The following CRY1 variants were observed in gnomAD, a reference collection of about 807,000 sequenced individuals.
The protein encoded by CRY1 is cryptochrome circadian regulator 1.
Under a neutral mutation model 76.0 loss-of-function variants are expected in CRY1, and 45 were observed. That is an observed-to-expected ratio of 0.59 (90% CI 0.47 to 0.76). The LOEUF (loss-of-function observed/expected upper bound fraction) is 0.76, where lower values mean the gene tolerates loss of function less well. Among genes scored for constraint, CRY1 ranks in the 30% least tolerant of loss-of-function variants. The probability of loss-of-function intolerance (pLI) is 0.00; values close to 1 mark genes in which losing one functional copy is unlikely to be tolerated. For missense variants in CRY1, 587 were observed against 716.4 expected, an observed-to-expected ratio of 0.82 and a Z score of 2.06; for synonymous variants, 248 against 244.0, an observed-to-expected ratio of 1.02 and a Z score of -0.15.
rs570673773 is a variant in CRY1, at chr12:107,044,024, C to G, written c.159-21832G>C. ...TAGCTACAACTCAGCTTCCTGAGAC[C>G]AGGCTGCTAGATGGTACCTGAGTCA... is the stretch of plus-strand genomic sequence containing the variant. On this transcript the variant is annotated intron_variant, in intron 1 of 12. Coordinates refer to ENST00000008527, the MANE Select transcript of CRY1 (RefSeq NM_004075.5). Among the ~76,000 whole-genome samples, 7 of 152,260 alleles carry G rather than the reference C, an allele frequency of 4.6e-5. No homozygotes were observed. In the South Asian group the frequency reaches 1.4e-3, roughly 32 times the overall value.
intron 1 of CRY1, among the ~76,000 whole-genome samples, chr12:107,076,099 G>A (rs1290040913): frequency 1.3e-5 from 2 of 151,690 alleles, no homozygotes; most frequent in African/African-American, 2.4e-5. Context: ...GGTAATACAC[G>A]ATAGGAAATT....
At chr12:107,050,518 C>CT (rs1329233758) in intron 1 of CRY1, among the ~76,000 whole-genome samples, 2 of 152,152 alleles carry the variant, frequency 1.3e-5, no homozygotes, top group African/African-American at 2.4e-5. Flanking sequence ...CTCTTGCTCC[C>CT]TCTCTTGTCA....
intron 1 of CRY1, among the ~76,000 whole-genome samples, chr12:107,052,002 T>C (rs902302163): frequency 3.3e-5 from 5 of 152,128 alleles, no homozygotes; most frequent in African/African-American, 1.2e-4. Flanking sequence ...ATTTCCCTTC[T>C]CAAAAAAATT....
chr12:107,022,821 T>G (rs1952573277), intron 1 of CRY1, among the ~76,000 whole-genome samples: 1 of 149,656 alleles, frequency 6.7e-6, no homozygotes, highest in African/African-American at 2.5e-5. Context: ...ATTCCCTGAG[T>G]GTAGAAAATG....
chr12:107,030,082 A>C (rs1331203996), intron 1 of CRY1, among the ~76,000 whole-genome samples: 1 of 152,192 alleles, frequency 6.6e-6, no homozygotes, highest in Non-Finnish European at 1.5e-5. Context: ...ACCACTTCCC[A>C]CTGTCCAATT....
At chr12:107,046,189 A>C (rs1429193482) in intron 1 of CRY1, among the ~76,000 whole-genome samples, 1 of 151,764 alleles carries the variant, frequency 6.6e-6, no homozygotes, top group Admixed American at 6.6e-5. Flanking sequence ...GCTACTCGGG[A>C]GGCTGAGGCA....
chr12:107,059,657 C>T (rs1369495494), intron 1 of CRY1, among the ~76,000 whole-genome samples: 6 of 151,820 alleles, frequency 4.0e-5, no homozygotes, highest in African/African-American at 1.2e-4. Flanking sequence ...AAACAAAATC[C>T]ATGATATCCA....
intron 3 of CRY1, 128 bp from the exon 4 acceptor site, chr12:107,002,076 G>T: frequency 2.8e-6 from 2 of 703,550 alleles, no homozygotes; most frequent in East Asian, 3.2e-5. Flanking sequence ...GTGTTAGCTT[G>T]TTATAATGAC....
At chr12:106,995,090 A>G (rs1461775015) in intron 10 of CRY1, among the ~76,000 whole-genome samples, 1 of 152,206 alleles carries the variant, frequency 6.6e-6, no homozygotes, top group Non-Finnish European at 1.5e-5. Flanking sequence ...TCAGACTTGG[A>G]TCTGAATCTT....
At chr12:107,009,603 A>ATATATATATAT (rs1566245681) in intron 2 of CRY1, among the ~76,000 whole-genome samples, 112 of 7,734 alleles carry the variant, frequency 0.014, 5 homozygotes, top group African/African-American at 0.031. Context: ...TATATATATA[A>ATATATATATAT]AATCTCTATA....
intron 1 of CRY1, among the ~76,000 whole-genome samples, chr12:107,059,440 A>T (rs1953024011): frequency 6.6e-6 from 1 of 151,958 alleles, no homozygotes; most frequent in African/African-American, 2.4e-5. Flanking sequence ...TTTAGTAGAG[A>T]TGAAGTCTCG....
At chr12:107,024,997 AT>A (rs1952591843) in intron 1 of CRY1, among the ~76,000 whole-genome samples, 1 of 152,240 alleles carries the variant, frequency 6.6e-6, no homozygotes, top group Non-Finnish European at 1.5e-5. Flanking sequence ...ACACACTATG[AT>A]GCTATTCTTT....
At chr12:107,007,388 T>C (rs1271979281) in intron 2 of CRY1, among the ~76,000 whole-genome samples, 1 of 152,220 alleles carries the variant, frequency 6.6e-6, no homozygotes, top group African/African-American at 2.4e-5. Flanking sequence ...AAACCCTATG[T>C]AAGTATTTGC....
At chr12:107,036,032 T>C (rs2136861568) in intron 1 of CRY1, among the ~76,000 whole-genome samples, 1 of 152,362 alleles carries the variant, frequency 6.6e-6, no homozygotes, top group Admixed American at 6.5e-5. Flanking sequence ...TATCTTCTAA[T>C]GGTGACTTTA....
At chr12:107,059,238 G>T (rs1202763348) in intron 1 of CRY1, among the ~76,000 whole-genome samples, 1 of 151,948 alleles carries the variant, frequency 6.6e-6, no homozygotes, top group Admixed American at 6.6e-5. Flanking sequence ...AACCAAAAAT[G>T]GGACATGAAT....
chr12:107,005,733 G>T (rs1280993645), intron 2 of CRY1, among the ~76,000 whole-genome samples: 1 of 151,986 alleles, frequency 6.6e-6, no homozygotes, highest in Non-Finnish European at 1.5e-5. Flanking sequence ...TATTGATATG[G>T]TATAAGCTGC....
At chr12:107,003,920 C>T (rs1952341330) in intron 3 of CRY1, among the ~76,000 whole-genome samples, 1 of 151,754 alleles carries the variant, frequency 6.6e-6, no homozygotes, top group Non-Finnish European at 1.5e-5. Flanking sequence ...GATTCTCCTC[C>T]CTCAGCCTCC....
At chr12:106,993,406 T>C (rs1413989034) in intron 10 of CRY1, among the ~76,000 whole-genome samples, 2 of 151,672 alleles carry the variant, frequency 1.3e-5, no homozygotes, top group African/African-American at 2.4e-5. Flanking sequence ...CCTCCAAACA[T>C]ATTTCCTTGA....
rs61416699 is a variant in CRY1 at position 107,080,645 on chromosome 12, T to C, written c.158+12159A>G. Among the ~76,000 whole-genome samples the C allele has an allele frequency of 2.8e-3, 419 of 151,482 alleles. 4 individuals are homozygous for C. The highest frequency in any genetic ancestry group is 0.014 in the Middle Eastern group (4 of 294). On this transcript the variant is annotated intron_variant, in intron 1 of 12. Coordinates refer to ENST00000008527, the MANE Select transcript of CRY1 (RefSeq NM_004075.5). Reference sequence around the variant, plus strand: ...AAGGTGTGGTCAAATGTGTCAAACATTGTTAAAAAAAAATAAAAAAGAAAA... The same window carrying C: ...AAGGTGTGGTCAAATGTGTCAAACACTGTTAAAAAAAAATAAAAAAGAAAA...
Sources: allele counts gnomAD v4.1 joint callset (sites outside exome capture counted in the v4.1 genomes callset), GRCh38; gene constraint gnomAD v4.1.1; transcripts MANE v1.5; gene names NCBI Gene and HGNC (gene_info 2026-07-23, HGNC 2026-07-21).